COL11A1: variants seen among roughly 807,000 people sequenced by gnomAD.
COL11A1 encodes collagen alpha-1(XI) chain.
In COL11A1, 74 loss-of-function variants were observed where a neutral mutation model predicts 265.2. The observed-to-expected ratio is 0.28, with a 90% CI of 0.23 to 0.34. COL11A1 has a LOEUF of 0.34. COL11A1 is among the 10% of genes least tolerant of loss of function. The probability of loss-of-function intolerance (pLI) is 1.00; values close to 1 mark genes in which losing one functional copy is unlikely to be tolerated. For missense variants in COL11A1, 2,165 were observed against 2,263.6 expected (o/e 0.96, Z 0.88); for synonymous variants, 816 against 727.6 (o/e 1.12, Z -1.96).
At position 102,909,026 on chromosome 1, in the gene COL11A1, T is replaced by C. The variant is rs528760936; in HGVS notation, c.4086+3133A>G. Reference sequence around the variant, plus strand: ...TAATTTTGGATGAAAAAATAATTATTGATTATTGCTATAATATGGATATTT... The same window carrying C: ...TAATTTTGGATGAAAAAATAATTATCGATTATTGCTATAATATGGATATTT... On this transcript the variant is annotated intron_variant, in intron 54 of 66. Coordinates refer to ENST00000370096, the MANE Select transcript of COL11A1 (RefSeq NM_001854.4). 3.3e-5 allele frequency among the ~76,000 whole-genome samples: 5 copies of C among 152,306 alleles called. No individual in the cohort carries two copies. In the South Asian group the frequency reaches 6.2e-4, roughly 19 times the overall value.
chr1:102,888,548 G>A (rs1457505475), intron 62 of COL11A1, 29 bp downstream of exon 62: 12 of 1,599,182 alleles, frequency 7.5e-6, no homozygotes, highest in South Asian at 1.1e-5. Context: ...CAAACTGTCA[G>A]AACATCACTC....
At chr1:102,981,073 T>G (rs1386126907) in intron 31 of COL11A1, among the ~76,000 whole-genome samples, 1 of 152,174 alleles carries the variant, frequency 6.6e-6, no homozygotes, top group Non-Finnish European at 1.5e-5. Flanking sequence ...AATAAAATTG[T>G]ATGTGATGCC....
chr1:103,091,821 G>A (rs1673347027), intron 1 of COL11A1, among the ~76,000 whole-genome samples: 1 of 151,964 alleles, frequency 6.6e-6, no homozygotes, highest in African/African-American at 2.4e-5. Flanking sequence ...TATTCAAACA[G>A]TGAAGAGCAC....
intron 45 of COL11A1, among the ~76,000 whole-genome samples, chr1:102,934,815 T>A (rs896698016): frequency 4.6e-5 from 7 of 152,184 alleles, no homozygotes; most frequent in Non-Finnish European, 7.3e-5. Flanking sequence ...CGGAAATAAT[T>A]TTCTGAATTA....
rs1649664192 is a variant in COL11A1, at chr1:102,877,721, T to A, written c.*298A>T. 3.1e-6 allele frequency: 1 copy of A among 318,096 alleles called. No homozygotes were observed. Among genetic ancestry groups the A allele is most frequent in the Non-Finnish European group, 6.0e-6 (1 of 167,284 alleles). 19.7% of individuals were successfully genotyped at this position (318,096 alleles called of 1,614,324 possible). ...CATATTTTTTATGAATATATATTTT[T>A]CTTTTTTTGTTTTCTACAGCACCAA... On this transcript the variant is annotated 3_prime_UTR_variant, in exon 67 of 67. Transcript: ENST00000370096.
chr1:103,086,201 T>C (rs150590070), intron 1 of COL11A1, among the ~76,000 whole-genome samples: 219 of 152,268 alleles, frequency 1.4e-3, no homozygotes, highest in African/African-American at 4.7e-3. Flanking sequence ...AACCACAGCA[T>C]TTTATCTGCT....
At chr1:103,079,527 G>C (rs1015809083) in intron 2 of COL11A1, among the ~76,000 whole-genome samples, 4 of 151,726 alleles carry the variant, frequency 2.6e-5, no homozygotes, top group African/African-American at 9.7e-5. Flanking sequence ...GATCTACATT[G>C]GTCCTTACTA....
chr1:102,938,231 A>G (rs1166157112), intron 44 of COL11A1, among the ~76,000 whole-genome samples: 1 of 152,156 alleles, frequency 6.6e-6, no homozygotes, highest in Admixed American at 6.5e-5. Context: ...ATGGATCACA[A>G]AATAGAACCA....
intron 9 of COL11A1, among the ~76,000 whole-genome samples, chr1:103,021,297 A>T (rs1252587751): frequency 6.6e-6 from 1 of 152,022 alleles, no homozygotes; most frequent in Non-Finnish European, 1.5e-5. Flanking sequence ...AATATATGTT[A>T]TATATTTCAA....
At chr1:103,009,820 T>A (rs996669379) in intron 14 of COL11A1, among the ~76,000 whole-genome samples, 1 of 152,134 alleles carries the variant, frequency 6.6e-6, no homozygotes, top group South Asian at 2.1e-4. Context: ...AATTTTCTAA[T>A]CTTTAAAATT....
In COL11A1 at chr1:102,888,626, G is replaced by T; in HGVS notation, c.4559C>A (p.Pro1520His). Residue 1520 changes from proline (P) to histidine (H), a missense_variant, in exon 62 of 67, where the codon CCC (proline) becomes CAC (histidine). Coordinates refer to ENST00000370096, the MANE Select transcript of COL11A1 (RefSeq NM_001854.4). ...ACCACTGTCACCTTTCTGGCCAGCG[G>T]GTCCCTGTTAGAAAGAAGAGAGAGG... ...GPKGNKGSTG[P>H]AGQKGDSGLP... 1 of 1,613,758 alleles carries T rather than the reference G, an allele frequency of 6.2e-7. No individual in the cohort carries two copies. The highest frequency in any genetic ancestry group is 8.5e-7 in the Non-Finnish European group (1 of 1,179,770).
rs772291375 is a variant in COL11A1 at position 103,012,484 on chromosome 1, A to G, written c.1573-15T>C. On this transcript the variant is annotated splice_polypyrimidine_tract_variant and intron_variant, in intron 13 of 66. Coordinates refer to ENST00000370096, the MANE Select transcript of COL11A1 (RefSeq NM_001854.4). ...CTCAGAGCAATCTAGAAAACAAAAT[A>G]TATCAAATTCAGTAATATTCTCCTG... 1.9e-5 allele frequency: 31 copies of G among 1,603,536 alleles called. No homozygotes were observed. In the South Asian group the frequency reaches 2.9e-4, roughly 15 times the overall value.
At chr1:103,004,415 T>A in intron 20 of COL11A1, 29 bp downstream of exon 20, 1 of 1,565,000 alleles carries the variant, frequency 6.4e-7, no homozygotes, top group African/African-American at 1.4e-5. Flanking sequence ...CTAGAAATAT[T>A]ACTTAAAAAT....
chr1:102,902,606 T>C (rs368688095), intron 54 of COL11A1, among the ~76,000 whole-genome samples: 9 of 151,982 alleles, frequency 5.9e-5, no homozygotes, highest in Admixed American at 1.3e-4. Flanking sequence ...TCAGTGATTC[T>C]CAAATTAAAT....
chr1:103,070,691 T>G (rs1671514772), intron 4 of COL11A1, among the ~76,000 whole-genome samples: 1 of 151,926 alleles, frequency 6.6e-6, no homozygotes, highest in Non-Finnish European at 1.5e-5. Context: ...TATTTGCAGT[T>G]TATTGTGATT....
rs1490591478 is a variant in COL11A1, at chr1:102,998,352, T to C, written c.2154A>G (p.Gly718=). ...IGPPGEKGPQ[G]KPGLAGLPGA... is the part of the protein sequence containing the mutation. Reference sequence around the variant, plus strand: ...CAGGAAGTCCAGCAAGTCCTGGTTTTCCTTGTGGTCCCTTATAGAGAAAAA... The same window carrying C: ...CAGGAAGTCCAGCAAGTCCTGGTTTCCCTTGTGGTCCCTTATAGAGAAAAA... Residue 718 remains glycine (G), a synonymous_variant, in exon 25 of 67, where the codon GGA becomes GGG. Coordinates refer to ENST00000370096, the MANE Select transcript of COL11A1 (RefSeq NM_001854.4). 1 of 1,603,368 alleles carries C rather than the reference T, an allele frequency of 6.2e-7. No homozygotes were observed. Among genetic ancestry groups the C allele is most frequent in the Admixed American group, 1.7e-5 (1 of 59,602 alleles).
At position 102,943,452 on chromosome 1, in the gene COL11A1, T is replaced by C. The variant is rs181460038; in HGVS notation, c.3277-3018A>G. On this transcript the variant is annotated intron_variant, in intron 42 of 66. Coordinates refer to ENST00000370096, the MANE Select transcript of COL11A1 (RefSeq NM_001854.4). ...CTCTGGAGATACACACACACACACA[T>C]ACACACACACACACACACACACACA... is the stretch of plus-strand genomic sequence containing the variant. Among the ~76,000 whole-genome samples the C allele has an allele frequency of 6.3e-4, 50 of 79,438 alleles. No individual in the cohort carries two copies. In the South Asian group the frequency reaches 9.9e-3, roughly 16 times the overall value. 52.1% of individuals were successfully genotyped at this position (79,438 alleles called of 152,430 possible). A position where few individuals can be genotyped will look rare whatever the true frequency, so the allele number is the denominator to read the frequency against.
chr1:103,087,079 A>T (rs1245071149), intron 1 of COL11A1, among the ~76,000 whole-genome samples: 1 of 152,224 alleles, frequency 6.6e-6, no homozygotes. Context: ...GATTAAAAGA[A>T]GTAATTTTAT....
intron 41 of COL11A1, among the ~76,000 whole-genome samples, chr1:102,951,925 T>C (rs931121449): frequency 6.6e-6 from 1 of 152,122 alleles, no homozygotes; most frequent in Non-Finnish European, 1.5e-5. Context: ...GATTGACATG[T>C]TATATGAAAG....
Sources: gnomAD v4.1 joint callset for allele counts (sites outside exome capture counted in the v4.1 genomes callset) on GRCh38, gnomAD v4.1.1 for gene constraint, MANE v1.5 for transcripts, NCBI Gene and HGNC (gene_info 2026-07-23, HGNC 2026-07-21) for gene names.